Variants in PPP1R13B observed in about 807,000 individuals in gnomAD.
PPP1R13B encodes apoptosis-stimulating of p53 protein 1.
Under a neutral mutation model 119.8 loss-of-function variants are expected in PPP1R13B, and 44 were observed. The observed-to-expected ratio is 0.37, with a 90% confidence interval of 0.29 to 0.47. The LOEUF (loss-of-function observed/expected upper bound fraction) is 0.47, where lower values mean the gene tolerates loss of function less well. Among genes scored for constraint, PPP1R13B ranks in the 20% least tolerant of loss-of-function variants. The pLI is 0.99. For synonymous variants in PPP1R13B, 542 were observed against 561.5 expected, an observed-to-expected ratio of 0.97 and a Z score of 0.49; for missense variants, 1,227 against 1,413.5, an observed-to-expected ratio of 0.87 and a Z score of 2.12.
rs1179949164 is a variant in PPP1R13B at position 103,735,161 on chromosome 14, A to C, written c.3266T>G (p.Leu1089Arg). 1 of 1,614,104 alleles carries C rather than the reference A, an allele frequency of 6.2e-7. No homozygotes were observed. The highest frequency in any genetic ancestry group is 1.1e-5 in the South Asian group (1 of 91,082). ...YPRIKPRQRT[L>R]A The stretch of plus-strand genomic sequence containing the variant: ...GGTGCTCCAAAAGGAAGTTCAGGCG[A>C]GTGTTCGCTGTCGGGGTTTGATCCG... Residue 1089 changes from leucine (L) to arginine (R), a missense_variant, in exon 17 of 17, where the codon CTC (leucine) becomes CGC (arginine). Leu to Arg is a moderately radical substitution (Grantham distance 102). Transcript: ENST00000202556.
intron 2 of PPP1R13B, among the ~76,000 whole-genome samples, chr14:103,787,467 G>T (rs2085497020): frequency 6.7e-6 from 1 of 149,696 alleles, no homozygotes; most frequent in Non-Finnish European, 1.5e-5. Context: ...AAAAAAGAAA[G>T]TTCATATCAG....
intron 1 of PPP1R13B, among the ~76,000 whole-genome samples, chr14:103,809,905 C>T (rs1302135186): frequency 6.6e-6 from 1 of 151,390 alleles, no homozygotes; most frequent in Non-Finnish European, 1.5e-5. Flanking sequence ...CGGCTCACTG[C>T]AACCTCTGCC....
Position 103,776,167 on chromosome 14 carries a change from A to AGGG in PPP1R13B, c.354+2577_354+2578insCCC, listed in dbSNP as rs1567114122. Among the ~76,000 whole-genome samples the AGGG allele has an allele frequency of 7.4e-4, 67 of 90,174 alleles. 1 individual carries two copies. In the East Asian group the frequency reaches 0.016, roughly 22 times the overall value. The allele number at this position is 90,174 out of a possible 152,430, so 59.2% of individuals were successfully genotyped here. A position where few individuals can be genotyped will look rare whatever the true frequency, so the allele number is the denominator to read the frequency against. On this transcript the variant is annotated intron_variant, in intron 4 of 16. Coordinates refer to ENST00000202556, the MANE Select transcript of PPP1R13B (RefSeq NM_015316.3). The stretch of plus-strand genomic sequence containing the variant: ...AAGGAAGGAAGGAAGGGAGGAAGGG[A>AGGG]AGGAGGGAGGGAGGGAGGGAGGAAG...
intron 8 of PPP1R13B, among the ~76,000 whole-genome samples, chr14:103,748,066 T>TACACACACACAC (rs58398068): frequency 2.9e-5 from 4 of 138,240 alleles, no homozygotes; most frequent in African/African-American, 1.0e-4. Context: ...TTAAATCACA[T>TACACACACACAC]ACACACACAC....
At chr14:103,836,089 A>C (rs2086770878) in intron 1 of PPP1R13B, among the ~76,000 whole-genome samples, 1 of 148,600 alleles carries the variant, frequency 6.7e-6, no homozygotes, top group Non-Finnish European at 1.5e-5. Flanking sequence ...TTTGTTGCCC[A>C]GGCTGGAGTG....
At chr14:103,824,352 C>CT (rs1374310912) in intron 1 of PPP1R13B, among the ~76,000 whole-genome samples, 3 of 147,586 alleles carry the variant, frequency 2.0e-5, no homozygotes, top group Non-Finnish European at 3.0e-5. Context: ...CCCTCATTCT[C>CT]TTTTTTAAGG....
Position 103,734,514 on chromosome 14 carries a change from C to T in PPP1R13B, c.*640G>A, listed in dbSNP as rs950237329. The T allele has an allele frequency of 3.1e-5, 14 of 456,194 alleles. No individual in the cohort carries two copies. Among genetic ancestry groups the T allele is most frequent in the African/African-American group, 8.0e-5 (4 of 50,058 alleles). 28.3% of individuals were successfully genotyped at this position (456,194 alleles called of 1,614,324 possible). A position where few individuals can be genotyped will look rare whatever the true frequency, so the allele number is the denominator to read the frequency against. On this transcript the variant is annotated 3_prime_UTR_variant, in exon 17 of 17. Coordinates refer to ENST00000202556, the MANE Select transcript of PPP1R13B (RefSeq NM_015316.3). ...CTTAGGGGTCCTGGTGCCCGTGGCGCGGCAGTCCAGCCACAGTGCTGGGCC... is the reference window on the plus strand; with the variant it reads ...CTTAGGGGTCCTGGTGCCCGTGGCGTGGCAGTCCAGCCACAGTGCTGGGCC...
At chr14:103,752,293 C>T (rs2084567195) in intron 7 of PPP1R13B, among the ~76,000 whole-genome samples, 1 of 152,100 alleles carries the variant, frequency 6.6e-6, no homozygotes, top group East Asian at 1.9e-4. Context: ...TGATTCCATT[C>T]ATATGAAACG....
intron 14 of PPP1R13B, 128 bp from the exon 15 acceptor site, chr14:103,737,988 G>T: frequency 1.8e-6 from 2 of 1,132,086 alleles, no homozygotes; most frequent in South Asian, 1.7e-5. Flanking sequence ...TCTCAGTGTT[G>T]TTTCTTTAAA....
In PPP1R13B at chr14:103,843,382, A is replaced by T. The variant is rs551017185; in HGVS notation, c.9+3917T>A. On this transcript the variant is annotated intron_variant, in intron 1 of 16. Coordinates refer to ENST00000202556, the MANE Select transcript of PPP1R13B (RefSeq NM_015316.3). ...GAGCGAGACTCTGTCTCAAAAAAAA[A>T]AATAAATCATGCTGAATCAAGGCAG... Among the ~76,000 whole-genome samples the T allele has an allele frequency of 3.9e-5, 6 of 152,276 alleles. No homozygotes were observed. The South Asian group carries it at 1.0e-3, about 26-fold the overall frequency.
chr14:103,750,053 C>A, intron 7 of PPP1R13B, 119 bp from the exon 8 acceptor site: 1 of 1,027,634 alleles, frequency 9.7e-7, no homozygotes, highest in Non-Finnish European at 1.4e-6. Context: ...TACATGCATG[C>A]ACTGCCACCT....
chr14:103,739,559 C>T (rs1010862525), intron 12 of PPP1R13B, among the ~76,000 whole-genome samples: 1 of 152,226 alleles, frequency 6.6e-6, no homozygotes, highest in Non-Finnish European at 1.5e-5. Flanking sequence ...AGCTCCCCTT[C>T]CTCAGGAAAG....
rs773225769 is a variant in PPP1R13B at position 103,739,225 on chromosome 14, C to A, written c.2593-202G>T. The A allele has an allele frequency of 6.5e-6, 4 of 617,724 alleles. No individual in the cohort carries two copies. In the Admixed American group the frequency reaches 9.1e-5, roughly 14 times the overall value. The allele number at this position is 617,724 out of a possible 1,614,324, so 38.3% of individuals were successfully genotyped here. A position where few individuals can be genotyped will look rare whatever the true frequency, so the allele number is the denominator to read the frequency against. Reference sequence around the variant, plus strand: ...ACTCTGCTCACTACAAGGGAGAGCCCTGTCTGAGGCCTGAGTCCCTGGCTC... The same window carrying A: ...ACTCTGCTCACTACAAGGGAGAGCCATGTCTGAGGCCTGAGTCCCTGGCTC... On this transcript the variant is annotated intron_variant, in intron 12 of 16. Coordinates refer to ENST00000202556, the MANE Select transcript of PPP1R13B (RefSeq NM_015316.3).
intron 4 of PPP1R13B, among the ~76,000 whole-genome samples, chr14:103,766,554 C>T (rs1433289140): frequency 6.6e-6 from 1 of 152,174 alleles, no homozygotes; most frequent in Admixed American, 6.5e-5. Flanking sequence ...AGGGTAAACA[C>T]GCTACCAGAC....
At chr14:103,756,851 T>C (rs1268648745) in intron 5 of PPP1R13B, among the ~76,000 whole-genome samples, 23 of 152,072 alleles carry the variant, frequency 1.5e-4, no homozygotes, top group Admixed American at 1.5e-3. Context: ...CTCTGCCTCC[T>C]GGGTTCACAC....
Position 103,742,891 on chromosome 14 carries a change from T to A in PPP1R13B, c.1151-68A>T. On this transcript the variant is annotated intron_variant, in intron 9 of 16. Coordinates refer to ENST00000202556, the MANE Select transcript of PPP1R13B (RefSeq NM_015316.3). The surrounding 1 kb of genome is among the most constrained non-coding windows in gnomAD (Gnocchi z 4.9). ...AGTTGAACCAACCTAAGAATAACAC[T>A]CTGCCAGAAACAAAAACAGCACTGG... 1 of 1,559,192 alleles carries A rather than the reference T, an allele frequency of 6.4e-7. No homozygotes were observed. Among genetic ancestry groups the A allele is most frequent in the Middle Eastern group, 1.7e-4 (1 of 5,882 alleles).
chr14:103,847,698 G>T (rs2087096881), upstream of PPP1R13B: 2 of 869,806 alleles, frequency 2.3e-6, no homozygotes, highest in Non-Finnish European at 2.8e-6. Context: ...GAGAGGGGCG[G>T]GGCTTCCCGG....
chr14:103,833,587 G>T (rs2086707288), intron 1 of PPP1R13B, among the ~76,000 whole-genome samples: 1 of 152,160 alleles, frequency 6.6e-6, no homozygotes. Context: ...AGGTTACAGT[G>T]AGACAAGATC....
chr14:103,799,257 C>A (rs753067621), intron 1 of PPP1R13B, among the ~76,000 whole-genome samples: 1 of 152,166 alleles, frequency 6.6e-6, no homozygotes, highest in Non-Finnish European at 1.5e-5. Context: ...CGGCTCTCTG[C>A]AAGCTCTGCC....
Sources: allele counts gnomAD v4.1 joint callset (sites outside exome capture counted in the v4.1 genomes callset), GRCh38; gene constraint gnomAD v4.1.1; non-coding constraint Gnocchi (gnomAD v3.1); transcripts MANE v1.5; gene names NCBI Gene and HGNC (gene_info 2026-07-23, HGNC 2026-07-21).